BCAS4: variants seen among roughly 807,000 people sequenced by gnomAD.
BCAS4 encodes the protein breast carcinoma amplified sequence 4.
In BCAS4, 9 loss-of-function variants were observed where a neutral mutation model predicts 15.7. The observed-to-expected ratio is 0.57, with a 90% CI of 0.34 to 1.00. The LOEUF (loss-of-function observed/expected upper bound fraction) is 1.00, where lower values mean the gene tolerates loss of function less well. Ranked by LOEUF, BCAS4 falls within the 50% of genes least tolerant of loss-of-function variation. The pLI is 0.02. For synonymous variants in BCAS4, 101 were observed against 99.5 expected (o/e 1.02, Z -0.09); for missense variants, 225 against 239.1 (o/e 0.94, Z 0.39).
intron 1 of BCAS4, among the ~76,000 whole-genome samples, chr20:50,809,130 A>G (rs1213363339): frequency 6.6e-6 from 1 of 152,060 alleles, no homozygotes; most frequent in Non-Finnish European, 1.5e-5. Context: ...TTTGTCAAAG[A>G]TCAGTTGGCT....
chr20:50,839,297 G>A (rs572484052), intron 3 of BCAS4, among the ~76,000 whole-genome samples: 28 of 152,236 alleles, frequency 1.8e-4, no homozygotes, highest in Non-Finnish European at 3.2e-4. Flanking sequence ...CACAGAGACA[G>A]TATGAAAAGA....
In BCAS4 at chr20:50,841,833, A is replaced by T. The variant is rs1568672288; in HGVS notation, c.332A>T (p.Asp111Val). The change falls in exon 4 of 5, where the codon GAC (aspartate) becomes GTC (valine). Residue 111 changes from aspartate to valine, a missense_variant. Coordinates refer to ENST00000371608, the MANE Select transcript of BCAS4 (RefSeq NM_198799.4). ...GCAGACGTGCTTCAGGCTGAGCGGG[A>T]CCATGGGGCCTTCCCTCAGGCCCTG... ...LEADVLQAERDHGAFPQALRR... is the reference protein window; with the variant it reads ...LEADVLQAERVHGAFPQALRR... 1.9e-6 allele frequency: 3 copies of T among 1,613,328 alleles called. No individual in the cohort carries two copies. The highest frequency in any genetic ancestry group is 2.2e-5 in the East Asian group (1 of 44,858).
At chr20:50,842,227 G>C (rs934518812) in intron 4 of BCAS4, among the ~76,000 whole-genome samples, 1 of 152,164 alleles carries the variant, frequency 6.6e-6, no homozygotes, top group Admixed American at 6.6e-5. Context: ...ATGACATCTA[G>C]AATTCCGGCC....
chr20:50,817,499 G>A (rs1341907852), intron 1 of BCAS4, among the ~76,000 whole-genome samples: 1 of 152,092 alleles, frequency 6.6e-6, no homozygotes, highest in African/African-American at 2.4e-5. Context: ...GTCTCGCTCT[G>A]TTGCCCAGGC....
At chr20:50,809,447 G>A (rs1188626875) in intron 1 of BCAS4, among the ~76,000 whole-genome samples, 2 of 152,064 alleles carry the variant, frequency 1.3e-5, no homozygotes, top group African/African-American at 2.4e-5. Flanking sequence ...GATCTCAAGC[G>A]ATCCACCCGC....
At chr20:50,870,353 G>A (rs1448496698) in intron 4 of BCAS4, among the ~76,000 whole-genome samples, 1 of 152,178 alleles carries the variant, frequency 6.6e-6, no homozygotes, top group African/African-American at 2.4e-5. Flanking sequence ...GCAAACGGAG[G>A]CCCTGAGGTG....
intron 1 of BCAS4, among the ~76,000 whole-genome samples, chr20:50,806,173 G>A (rs2087987403): frequency 6.6e-6 from 1 of 152,154 alleles, no homozygotes; most frequent in Non-Finnish European, 1.5e-5. Context: ...GACTTCCTTA[G>A]CTTCTGTCAT....
intron 4 of BCAS4, among the ~76,000 whole-genome samples, chr20:50,859,096 C>T (rs561416485): frequency 1.6e-4 from 25 of 152,006 alleles, no homozygotes; most frequent in Admixed American, 1.0e-3. Context: ...CCACCATGCC[C>T]GGCTAATTTA....
intron 4 of BCAS4, among the ~76,000 whole-genome samples, chr20:50,858,557 G>C (rs1421165383): frequency 6.6e-6 from 1 of 152,034 alleles, no homozygotes; most frequent in Non-Finnish European, 1.5e-5. Context: ...AGCCAAGATC[G>C]CGCCATTGTG....
At chr20:50,819,660 C>T (rs2088189152) in intron 2 of BCAS4, among the ~76,000 whole-genome samples, 1 of 152,114 alleles carries the variant, frequency 6.6e-6, no homozygotes, top group South Asian at 2.1e-4. Flanking sequence ...GGTTTCTTCT[C>T]TTGAGTCAAT....
intron 4 of BCAS4, among the ~76,000 whole-genome samples, chr20:50,864,078 T>G (rs1012279924): frequency 2.6e-5 from 4 of 152,188 alleles, no homozygotes; most frequent in Admixed American, 2.6e-4. Flanking sequence ...CCTCGAGTCA[T>G]CCTTTTGACT....
intron 1 of BCAS4, among the ~76,000 whole-genome samples, chr20:50,808,655 T>G (rs2088023697): frequency 6.6e-6 from 1 of 152,236 alleles, no homozygotes; most frequent in South Asian, 2.1e-4. Flanking sequence ...TTGTATATCT[T>G]GTTTTGAGAA....
At chr20:50,798,499 G>T (rs2087892413) in intron 1 of BCAS4, among the ~76,000 whole-genome samples, 1 of 152,034 alleles carries the variant, frequency 6.6e-6, no homozygotes, top group Admixed American at 6.6e-5. Flanking sequence ...ACATAGTGAG[G>T]CCCCCGTCTC....
chr20:50,818,042 G>C (rs545699649), intron 1 of BCAS4, among the ~76,000 whole-genome samples, 169 bp from the exon 2 acceptor site: 4 of 152,084 alleles, frequency 2.6e-5, no homozygotes, highest in Non-Finnish European at 1.5e-5. Flanking sequence ...TGGGCGCCAG[G>C]ACTGCTGCCT....
intron 1 of BCAS4, among the ~76,000 whole-genome samples, chr20:50,817,357 G>A (rs2088152617): frequency 6.6e-6 from 1 of 152,230 alleles, no homozygotes. Flanking sequence ...ACTATGGGAT[G>A]CCCGGTTGAA....
chr20:50,810,056 A>T (rs1385197549), intron 1 of BCAS4, among the ~76,000 whole-genome samples: 1 of 151,860 alleles, frequency 6.6e-6, no homozygotes, highest in Non-Finnish European at 1.5e-5. Flanking sequence ...CAAACAGCAA[A>T]TTTTACTTCC....
chr20:50,799,882 C>T (rs1037639270), intron 1 of BCAS4, among the ~76,000 whole-genome samples: 5 of 152,076 alleles, frequency 3.3e-5, no homozygotes, highest in Admixed American at 3.3e-4. Flanking sequence ...ATGGCAAAAT[C>T]CCGTCTCTAC....
chr20:50,853,552 C>T (rs1005518077), intron 4 of BCAS4, among the ~76,000 whole-genome samples: 3 of 152,082 alleles, frequency 2.0e-5, no homozygotes, highest in Admixed American at 6.6e-5. Flanking sequence ...CTTAAGATTG[C>T]GGATCCAGTT....
At chr20:50,848,751 G>C (rs1216923932) in intron 4 of BCAS4, among the ~76,000 whole-genome samples, 3 of 152,250 alleles carry the variant, frequency 2.0e-5, no homozygotes, top group Non-Finnish European at 2.9e-5. Context: ...CTGCAGGTTT[G>C]GTTGTTTGGA....
Sources: allele counts gnomAD v4.1 joint callset (sites outside exome capture counted in the v4.1 genomes callset), GRCh38; gene constraint gnomAD v4.1.1; transcripts MANE v1.5; gene names NCBI Gene and HGNC (gene_info 2026-07-23, HGNC 2026-07-21).